The following RALGAPA1 variants were observed in gnomAD, a reference collection of about 807,000 sequenced individuals.
The protein encoded by RALGAPA1 is Ral GTPase activating protein catalytic subunit alpha 1, also known as ral GTPase-activating protein subunit alpha-1.
RALGAPA1 carries 52 observed loss-of-function variants against 269.6 expected under a neutral mutation model. That is an observed-to-expected ratio of 0.19 (90% CI 0.15 to 0.24). RALGAPA1 has a LOEUF of 0.24. Among genes scored for constraint, RALGAPA1 ranks in the 10% least tolerant of loss-of-function variants. RALGAPA1 has a pLI of 1.00. For missense variants in RALGAPA1, 1,917 were observed against 3,013.9 expected (o/e 0.64, Z 8.52); for synonymous variants, 817 against 1,008.3 (o/e 0.81, Z 3.60).
intron 33 of RALGAPA1, among the ~76,000 whole-genome samples, chr14:35,628,588 G>A (rs1055064676): frequency 5.9e-5 from 9 of 152,244 alleles, no homozygotes; most frequent in Middle Eastern, 3.4e-3. Flanking sequence ...TGCCTTAAAT[G>A]TCATTTAAAT....
intron 22 of RALGAPA1, among the ~76,000 whole-genome samples, chr14:35,675,503 A>G (rs2064864778): frequency 6.6e-6 from 1 of 152,254 alleles, no homozygotes; most frequent in Admixed American, 6.5e-5. Flanking sequence ...ACTAAAATTT[A>G]AACATAATCA....
chr14:35,703,167 G>GA (rs1394235146), intron 16 of RALGAPA1, among the ~76,000 whole-genome samples: 1 of 152,088 alleles, frequency 6.6e-6, no homozygotes, highest in African/African-American at 2.4e-5. Context: ...GATTCTGAAT[G>GA]AATTCTTTAA....
Position 35,742,363 on chromosome 14 carries a change from T to G in RALGAPA1, c.1449+5A>C. Reference sequence around the variant, plus strand: ...CACTAAAATATATAAATCTTATAACTTCACCTCTTCTCTTTTTTCTCCTTC... The same window carrying G: ...CACTAAAATATATAAATCTTATAACGTCACCTCTTCTCTTTTTTCTCCTTC... On this transcript the variant is annotated splice_donor_5th_base_variant and intron_variant, in intron 11 of 41. Transcript: ENST00000680220. 2 of 1,574,522 alleles carry G rather than the reference T, an allele frequency of 1.3e-6. No individual in the cohort carries two copies. Among genetic ancestry groups the G allele is most frequent in the East Asian group, 2.3e-5 (1 of 43,654 alleles).
chr14:35,764,162 A>G (rs2073957719), intron 4 of RALGAPA1, among the ~76,000 whole-genome samples: 1 of 151,252 alleles, frequency 6.6e-6, no homozygotes, highest in African/African-American at 2.4e-5. Context: ...GCAATCATAG[A>G]TCACTGCAGC....
chr14:35,674,474 T>A, intron 23 of RALGAPA1, 42 bp downstream of exon 23: 1 of 1,523,098 alleles, frequency 6.6e-7, no homozygotes. Flanking sequence ...TTTTAAATAT[T>A]TTTATTTTCT....
intron 27 of RALGAPA1, among the ~76,000 whole-genome samples, chr14:35,661,848 T>G (rs1010141841): frequency 6.6e-6 from 1 of 152,090 alleles, no homozygotes; most frequent in Non-Finnish European, 1.5e-5. Flanking sequence ...TACTTATCCT[T>G]AAGAAGTTTA....
At chr14:35,639,660 C>G (rs941844695) in intron 31 of RALGAPA1, among the ~76,000 whole-genome samples, 1 of 152,108 alleles carries the variant, frequency 6.6e-6, no homozygotes, top group Non-Finnish European at 1.5e-5. Flanking sequence ...ACAATATTGG[C>G]CAGGTGCGGT....
intron 37 of RALGAPA1, chr14:35,572,924 G>A: frequency 3.0e-6 from 1 of 329,806 alleles, no homozygotes; most frequent in Non-Finnish European, 5.5e-6. Flanking sequence ...TAATCAATGG[G>A]TAACAGAGAA....
rs934827783 is a variant in RALGAPA1, at chr14:35,571,729, A to C, written c.7368+831T>G. ...ACCACCACCACCACCACCACCACCA[A>C]CAAAATGTCTTTTTAAAAATGTAAA... On this transcript the variant is annotated intron_variant, in intron 38 of 41. Coordinates refer to ENST00000680220, the MANE Select transcript of RALGAPA1 (RefSeq NM_001346249.2). Among the ~76,000 whole-genome samples, 17 of 152,046 alleles carry C rather than the reference A, an allele frequency of 1.1e-4. No individual in the cohort carries two copies. The South Asian group carries it at 1.2e-3, about 11-fold the overall frequency.
chr14:35,795,019 T>G (rs1347533771), intron 1 of RALGAPA1, among the ~76,000 whole-genome samples: 3 of 152,346 alleles, frequency 2.0e-5, no homozygotes, highest in Middle Eastern at 3.4e-3. Context: ...CTCATTCATT[T>G]AAGAGAACCT....
At position 35,755,488 on chromosome 14, in the gene RALGAPA1, T is replaced by C. The variant is rs145081097; in HGVS notation, c.663+1305A>G. Among the ~76,000 whole-genome samples the C allele has an allele frequency of 2.2e-3, 329 of 152,338 alleles. 2 individuals carry two copies. The highest frequency in any genetic ancestry group is 7.2e-3 in the African/African-American group (301 of 41,588). Reference sequence around the variant, plus strand: ...TTCATTAAACTGTAAATTTCAAATATTGCAGTTTATTGTGTATCAATTATA... The same window carrying C: ...TTCATTAAACTGTAAATTTCAAATACTGCAGTTTATTGTGTATCAATTATA... On this transcript the variant is annotated intron_variant, in intron 7 of 41. Coordinates refer to ENST00000680220, the MANE Select transcript of RALGAPA1 (RefSeq NM_001346249.2).
intron 41 of RALGAPA1, 111 bp from the exon 42 acceptor site, chr14:35,539,801 T>C: frequency 1.3e-6 from 2 of 1,481,586 alleles, no homozygotes; most frequent in Non-Finnish European, 1.8e-6. Flanking sequence ...ATAAGATCTT[T>C]CGAGGGAAAA....
intron 35 of RALGAPA1, among the ~76,000 whole-genome samples, chr14:35,607,949 C>G (rs1566808574): frequency 6.6e-6 from 1 of 152,168 alleles, no homozygotes; most frequent in Non-Finnish European, 1.5e-5. Context: ...GTAGGACGGA[C>G]AGACATGAAA....
chr14:35,702,745 T>C (rs1018618269), intron 16 of RALGAPA1, among the ~76,000 whole-genome samples: 1 of 142,376 alleles, frequency 7.0e-6, no homozygotes, highest in Non-Finnish European at 1.5e-5. Flanking sequence ...ATATATACAT[T>C]TTTTTTTTTT....
chr14:35,590,288 G>T (rs1025522730), intron 37 of RALGAPA1, among the ~76,000 whole-genome samples: 3 of 152,074 alleles, frequency 2.0e-5, no homozygotes, highest in Non-Finnish European at 4.4e-5. Flanking sequence ...CCATATATTA[G>T]TTTTCCTAGC....
Position 35,593,009 on chromosome 14 carries a change from C to T in RALGAPA1, c.7209+2625G>A, listed in dbSNP as rs1032845552. Among the ~76,000 whole-genome samples, 3 of 152,014 alleles carry T rather than the reference C, an allele frequency of 2.0e-5. No individual in the cohort carries two copies. In the East Asian group the frequency reaches 5.8e-4, roughly 29 times the overall value. On this transcript the variant is annotated intron_variant, in intron 37 of 41. Coordinates refer to ENST00000680220, the MANE Select transcript of RALGAPA1 (RefSeq NM_001346249.2). ...TACTGGAAGTACTAGCAAGAACAAC[C>T]AGAGAAGAAAAAGAAATATAAGGCA...
chr14:35,766,948 G>C, intron 4 of RALGAPA1: 1 of 385,808 alleles, frequency 2.6e-6, no homozygotes, highest in Non-Finnish European at 5.1e-6. Context: ...TGCCCACAGG[G>C]CTGCCGTTTA....
intron 1 of RALGAPA1, among the ~76,000 whole-genome samples, chr14:35,800,504 A>C (rs2076888852): frequency 6.6e-6 from 1 of 152,262 alleles, no homozygotes; most frequent in Admixed American, 6.5e-5. Flanking sequence ...GGATTAAAAA[A>C]AATCAAAAGG....
chr14:35,684,066 C>A, intron 20 of RALGAPA1, 81 bp from the exon 21 acceptor site: 1 of 1,024,584 alleles, frequency 9.8e-7, no homozygotes, highest in South Asian at 1.6e-5. Context: ...GCAAAATGAT[C>A]AAACATAAAC....
Sources: allele counts gnomAD v4.1 joint callset (sites outside exome capture counted in the v4.1 genomes callset), GRCh38; gene constraint gnomAD v4.1.1; transcripts MANE v1.5; gene names NCBI Gene and HGNC (gene_info 2026-07-23, HGNC 2026-07-21).